Variants in MARCHF1 observed in about 807,000 individuals in gnomAD.
MARCHF1 encodes membrane associated ring-CH-type finger 1.
A neutral mutation model predicts 54.2 loss-of-function variants in MARCHF1; 40 were observed. That is an observed-to-expected ratio of 0.74 (90% CI 0.57 to 0.96). The LOEUF is 0.96. Ranked by LOEUF, MARCHF1 falls within the 40% of genes least tolerant of loss-of-function variation. The probability of loss-of-function intolerance (pLI) is 0.00; values close to 1 mark genes in which losing one functional copy is unlikely to be tolerated. For synonymous variants in MARCHF1, 236 were observed against 236.3 expected, an observed-to-expected ratio of 1.00 and a Z score of 0.01; for missense variants, 586 against 656.5, an observed-to-expected ratio of 0.89 and a Z score of 1.17.
intron 1 of MARCHF1, among the ~76,000 whole-genome samples, chr4:164,358,212 C>T (rs1045921535): frequency 6.6e-6 from 1 of 152,088 alleles, no homozygotes; most frequent in South Asian, 2.1e-4. Flanking sequence ...ACTGACCCCA[C>T]GTGTTAATGA....
At chr4:163,716,779 T>C (rs10031782) in intron 4 of MARCHF1, among the ~76,000 whole-genome samples, 6,250 of 152,266 alleles carry the variant, frequency 0.041, 433 homozygotes, top group African/African-American at 0.14. Context: ...TTTGAGTTGG[T>C]TGTTGAACAG....
intron 2 of MARCHF1, among the ~76,000 whole-genome samples, chr4:164,071,869 AC>A (rs1227908616): frequency 1.3e-5 from 2 of 152,206 alleles, no homozygotes; most frequent in African/African-American, 4.8e-5. Flanking sequence ...AACAATTTAC[AC>A]CTTTTTCTTT....
At chr4:164,236,277 A>C (rs771421888) in intron 1 of MARCHF1, among the ~76,000 whole-genome samples, 3 of 152,102 alleles carry the variant, frequency 2.0e-5, no homozygotes, top group African/African-American at 4.8e-5. Context: ...TCCATTAATA[A>C]ATCAATATAT....
At chr4:164,050,799 G>A (rs1208008940) in intron 2 of MARCHF1, among the ~76,000 whole-genome samples, 2 of 152,124 alleles carry the variant, frequency 1.3e-5, no homozygotes, top group Non-Finnish European at 2.9e-5. Flanking sequence ...CGGGCGTGGT[G>A]GTGCATGCCT....
rs1215009707 is a variant in MARCHF1, at chr4:164,279,412, A to AAT, written c.-323+104456_-323+104457dup. Among the ~76,000 whole-genome samples, 1,163 of 151,430 alleles carry AAT rather than the reference A, an allele frequency of 7.7e-3. 18 individuals are homozygous for AAT. Among genetic ancestry groups the AAT allele is most frequent in the African/African-American group, 0.027 (1,100 of 41,490 alleles). On this transcript the variant is annotated intron_variant, in intron 1 of 9. Coordinates refer to ENST00000514618, the MANE Select transcript of MARCHF1 (RefSeq NM_001394959.1). ...TCAAAACTAAAAGGAAAGATGCATA[A>AAT]ATATATATATAAATGATAAAGATGT...
intron 3 of MARCHF1, among the ~76,000 whole-genome samples, chr4:163,884,353 G>GT (rs1215282016): frequency 6.6e-6 from 1 of 152,044 alleles, no homozygotes; most frequent in Non-Finnish European, 1.5e-5. Flanking sequence ...AATATGAGCT[G>GT]TTTCCTTTTT....
chr4:164,213,736 C>G (rs1223936708), intron 1 of MARCHF1, among the ~76,000 whole-genome samples: 2 of 151,852 alleles, frequency 1.3e-5, no homozygotes, highest in African/African-American at 4.8e-5. Context: ...ATAATATCTT[C>G]AAATGTTATT....
At chr4:164,152,067 A>C (rs1729957363) in intron 1 of MARCHF1, among the ~76,000 whole-genome samples, 1 of 152,174 alleles carries the variant, frequency 6.6e-6, no homozygotes, top group Admixed American at 6.6e-5. Flanking sequence ...TATGAATAAG[A>C]ATGATAAAAT....
rs76534397 is a variant in MARCHF1 at position 163,666,609 on chromosome 4, T to C, written c.162+34204A>G. Among the ~76,000 whole-genome samples the C allele has an allele frequency of 4.7e-3, 710 of 152,276 alleles. 9 individuals are homozygous for C. The highest frequency in any genetic ancestry group is 0.017 in the African/African-American group (686 of 41,564). ...AGTTGACTGCTGTGTTTACTCTCAA[T>C]GAATGGATAGAACATTTATCATGGT... On this transcript the variant is annotated intron_variant, in intron 5 of 9. Transcript: ENST00000514618.
intron 3 of MARCHF1, among the ~76,000 whole-genome samples, chr4:163,915,003 C>A (rs1037761004): frequency 2.6e-5 from 4 of 152,118 alleles, no homozygotes; most frequent in African/African-American, 9.7e-5. Flanking sequence ...GGGGACAGAT[C>A]CCTGCAGGGC....
chr4:164,198,389 T>C (rs1333550461), intron 1 of MARCHF1, among the ~76,000 whole-genome samples: 1 of 152,174 alleles, frequency 6.6e-6, no homozygotes, highest in Non-Finnish European at 1.5e-5. Context: ...GGCATGTATG[T>C]TTATTTAGAG....
At position 163,873,054 on chromosome 4, in the gene MARCHF1, C is replaced by A. The variant is rs546380944; in HGVS notation, c.-38-18885G>T. On this transcript the variant is annotated intron_variant, in intron 3 of 9. Coordinates refer to ENST00000514618, the MANE Select transcript of MARCHF1 (RefSeq NM_001394959.1). ...GCGAGACTCCGTCTCAAAAAAAAAA[C>A]AAACAAACAAACAAAAAAAAACAAA... Among the ~76,000 whole-genome samples the A allele has an allele frequency of 1.7e-3, 227 of 129,878 alleles. 1 individual carries two copies. The highest frequency in any genetic ancestry group is 4.5e-3 in the African/African-American group (157 of 35,050). The allele number at this position is 129,878 out of a possible 152,430, so 85.2% of individuals were successfully genotyped here.
chr4:164,269,514 C>T (rs958531097), intron 1 of MARCHF1, among the ~76,000 whole-genome samples: 12 of 152,150 alleles, frequency 7.9e-5, no homozygotes, highest in African/African-American at 2.7e-4. Flanking sequence ...ACTTATGATT[C>T]ATCATAGCAC....
intron 2 of MARCHF1, among the ~76,000 whole-genome samples, chr4:164,002,267 A>G (rs960188870): frequency 4.6e-5 from 7 of 151,636 alleles, no homozygotes; most frequent in Admixed American, 3.3e-4. Context: ...GTGATGTCAA[A>G]GAGTCCAAAA....
chr4:163,544,283 A>G (rs1166571330), intron 9 of MARCHF1, among the ~76,000 whole-genome samples: 2 of 152,242 alleles, frequency 1.3e-5, no homozygotes, highest in Non-Finnish European at 2.9e-5. Flanking sequence ...AGTTGCAAAC[A>G]ATGTAGTTTG....
chr4:163,906,509 C>T (rs888523206), intron 3 of MARCHF1, among the ~76,000 whole-genome samples: 1 of 151,514 alleles, frequency 6.6e-6, no homozygotes, highest in African/African-American at 2.4e-5. Context: ...TTCTGACTTA[C>T]AAAAAGCTGT....
At chr4:163,705,936 A>C (rs1744936925) in intron 4 of MARCHF1, among the ~76,000 whole-genome samples, 1 of 152,106 alleles carries the variant, frequency 6.6e-6, no homozygotes, top group South Asian at 2.1e-4. Context: ...GTTAAGAAAC[A>C]AAACCACTGC....
At chr4:163,557,454 T>A (rs1373827523) in intron 8 of MARCHF1, among the ~76,000 whole-genome samples, 4 of 152,098 alleles carry the variant, frequency 2.6e-5, no homozygotes, top group African/African-American at 9.7e-5. Flanking sequence ...CAGAATAATT[T>A]GTCTGGGTCT....
intron 4 of MARCHF1, among the ~76,000 whole-genome samples, chr4:163,719,493 G>A (rs1349177077): frequency 6.6e-6 from 1 of 152,052 alleles, no homozygotes; most frequent in Non-Finnish European, 1.5e-5. Flanking sequence ...ATAAACAGAT[G>A]TGTGTGTGTG....
Sources: allele counts gnomAD v4.1 joint callset (sites outside exome capture counted in the v4.1 genomes callset), GRCh38; gene constraint gnomAD v4.1.1; transcripts MANE v1.5; gene names NCBI Gene and HGNC (gene_info 2026-07-23, HGNC 2026-07-21).